SYT9: variants seen among roughly 807,000 people sequenced by gnomAD.
SYT9 encodes synaptotagmin-9.
Under a neutral mutation model 48.4 loss-of-function variants are expected in SYT9, and 22 were observed. The observed-to-expected ratio is 0.45, with a 90% CI of 0.32 to 0.65. The LOEUF is 0.65. SYT9 is among the 30% of genes least tolerant of loss of function. The pLI, the probability that SYT9 is intolerant of heterozygous loss-of-function variation, is 0.03. For missense variants in SYT9, 577 were observed against 622.0 expected (o/e 0.93, Z 0.77); for synonymous variants, 265 against 245.0 (o/e 1.08, Z -0.76).
At chr11:7,251,869 G>A (rs1298799577), upstream of SYT9, 3 of 251,756 alleles carry the variant, frequency 1.2e-5, no homozygotes, top group Admixed American at 1.7e-4. Context: ...CCCCCCGGCG[G>A]CCGCGAGTAG....
chr11:7,448,848 A>G (rs902534935), intron 6 of SYT9, among the ~76,000 whole-genome samples: 3 of 152,166 alleles, frequency 2.0e-5, no homozygotes, highest in African/African-American at 7.2e-5. Flanking sequence ...TGGATGGGTC[A>G]TCACTAAGGA....
At chr11:7,383,421 A>G (rs1383426392) in intron 3 of SYT9, among the ~76,000 whole-genome samples, 1 of 152,034 alleles carries the variant, frequency 6.6e-6, no homozygotes, top group Non-Finnish European at 1.5e-5. Flanking sequence ...TGATCCAAAG[A>G]CCCCAGGAAG....
chr11:7,313,907 G>A lies in SYT9; in HGVS notation c.1010G>A (p.Cys337Tyr), dbSNP rs1226920414. 1.2e-6 allele frequency: 2 copies of A among 1,613,580 alleles called. No individual in the cohort carries two copies. The highest frequency in any genetic ancestry group is 1.7e-6 in the Non-Finnish European group (2 of 1,179,882). Residue 337 changes from cysteine (C) to tyrosine (Y), a missense_variant, in exon 3 of 7, where the codon TGC (cysteine) becomes TAC (tyrosine). Coordinates refer to ENST00000318881, the MANE Select transcript of SYT9 (RefSeq NM_175733.4). ...GACTTGGCTGATTTCCCCAGGGAGTGCATCCTTTGGAAGGATATCGAATAT... is the reference window on the plus strand; with the variant it reads ...GACTTGGCTGATTTCCCCAGGGAGTACATCCTTTGGAAGGATATCGAATAT... The part of the protein sequence containing the change: ...FLDLADFPRE[C>Y]ILWKDIEYVT...
At chr11:7,310,667 C>T (rs981308403) in intron 2 of SYT9, among the ~76,000 whole-genome samples, 3 of 151,212 alleles carry the variant, frequency 2.0e-5, no homozygotes, top group Non-Finnish European at 3.0e-5. Context: ...AGGATGGTGT[C>T]GATCTCCTGA....
chr11:7,246,020 T>G (rs1847787057), intron 1 of SYT9, among the ~76,000 whole-genome samples: 1 of 152,154 alleles, frequency 6.6e-6, no homozygotes, highest in African/African-American at 2.4e-5. Context: ...CTGAAGTCGC[T>G]CCTATCTTCA....
intron 3 of SYT9, among the ~76,000 whole-genome samples, chr11:7,382,151 G>A (rs1431226239): frequency 2.0e-5 from 3 of 152,192 alleles, no homozygotes; most frequent in Non-Finnish European, 4.4e-5. Flanking sequence ...ACTCGTGTAT[G>A]ACATAGGATC....
At chr11:7,349,382 AACAC>A (rs71056799) in intron 3 of SYT9, among the ~76,000 whole-genome samples, 47 of 148,158 alleles carry the variant, frequency 3.2e-4, no homozygotes, top group Admixed American at 2.1e-3. Flanking sequence ...AAAATATACA[AACAC>A]ACACACACAC....
intron 3 of SYT9, among the ~76,000 whole-genome samples, chr11:7,398,804 T>C (rs559247061): frequency 6.6e-6 from 1 of 152,144 alleles, no homozygotes; most frequent in African/African-American, 2.4e-5. Context: ...ATGTGACAGC[T>C]TGTAGTCAAA....
At chr11:7,355,847 AT>A (rs1336258507) in intron 3 of SYT9, among the ~76,000 whole-genome samples, 2 of 152,018 alleles carry the variant, frequency 1.3e-5, no homozygotes, top group Non-Finnish European at 2.9e-5. Context: ...TACTGCTTGC[AT>A]TTCTCATGCT....
At chr11:7,330,056 C>T (rs1200331679) in intron 3 of SYT9, among the ~76,000 whole-genome samples, 1 of 151,994 alleles carries the variant, frequency 6.6e-6, no homozygotes, top group African/African-American at 2.4e-5. Context: ...GAAATTAAAA[C>T]ATGCTTATTT....
chr11:7,244,941 A>G (rs906827678), intron 1 of SYT9, among the ~76,000 whole-genome samples: 17 of 152,218 alleles, frequency 1.1e-4, no homozygotes, highest in Non-Finnish European at 2.2e-4. Context: ...AGGGTGAAGG[A>G]GTGCTGGGCT....
intron 3 of SYT9, 172 bp downstream of exon 3, chr11:7,314,113 A>G (rs971373698): frequency 5.2e-6 from 4 of 767,686 alleles, no homozygotes; most frequent in African/African-American, 1.7e-5. Flanking sequence ...AACAATATTG[A>G]TTTTGAAGTT....
intron 1 of SYT9, among the ~76,000 whole-genome samples, chr11:7,259,093 A>G (rs1381800599): frequency 6.6e-6 from 1 of 152,148 alleles, no homozygotes; most frequent in Non-Finnish European, 1.5e-5. Flanking sequence ...TCTGTTGTTT[A>G]TCTGAAATTG....
At chr11:7,431,550 G>C (rs927314126) in intron 6 of SYT9, among the ~76,000 whole-genome samples, 1 of 152,240 alleles carries the variant, frequency 6.6e-6, no homozygotes. Context: ...TAACATCCAA[G>C]ACAATGGGAA....
chr11:7,389,799 G>A (rs1297135770), intron 3 of SYT9, among the ~76,000 whole-genome samples: 1 of 151,896 alleles, frequency 6.6e-6, no homozygotes, highest in Admixed American at 6.6e-5. Flanking sequence ...CAAAGTAAAA[G>A]TATGAAAAGA....
rs375637261 is a variant in SYT9 at position 7,313,797 on chromosome 11, A to G, written c.900A>G (p.Ala300=). ...LFPVPYNDLE[A]RKLHFSVYDF... is the part of the protein sequence containing the mutation. ...CGGTTCCCTACAATGACCTTGAAGC[A>G]CGGAAGCTTCACTTCTCTGTGTACG... The change falls in exon 3 of 7, where the codon GCA becomes GCG. Residue 300 remains alanine (A), a synonymous_variant. Transcript: ENST00000318881. The G allele has an allele frequency of 1.9e-6, 3 of 1,614,102 alleles. No individual in the cohort carries two copies. Among genetic ancestry groups the G allele is most frequent in the African/African-American group, 2.7e-5 (2 of 74,930 alleles).
chr11:7,308,689 T>C (rs1021718917), intron 2 of SYT9, among the ~76,000 whole-genome samples: 1 of 152,164 alleles, frequency 6.6e-6, no homozygotes, highest in African/African-American at 2.4e-5. Flanking sequence ...CCTTTCTCCC[T>C]CTCATCTTCT....
intron 1 of SYT9, among the ~76,000 whole-genome samples, chr11:7,267,458 A>G (rs1393764127): frequency 1.3e-5 from 2 of 152,006 alleles, no homozygotes; most frequent in Non-Finnish European, 2.9e-5. Context: ...AGAAGTAACA[A>G]TAACAATGCC....
chr11:7,342,270 A>G (rs1035752705), intron 3 of SYT9, among the ~76,000 whole-genome samples: 3 of 152,206 alleles, frequency 2.0e-5, no homozygotes, highest in African/African-American at 7.2e-5. Flanking sequence ...TCAAAAGTTC[A>G]TAGTCCAAAG....
Sources: allele counts gnomAD v4.1 joint callset (sites outside exome capture counted in the v4.1 genomes callset), GRCh38; gene constraint gnomAD v4.1.1; transcripts MANE v1.5; gene names NCBI Gene and HGNC (gene_info 2026-07-23, HGNC 2026-07-21).